The following NT5DC1 variants were observed in gnomAD, a reference collection of about 807,000 sequenced individuals.
NT5DC1 encodes the protein 5'-nucleotidase domain containing 1.
NT5DC1 carries 42 observed loss-of-function variants against 59.4 expected under a neutral mutation model. The ratio of observed to expected loss-of-function variants is 0.71; its 90% CI spans 0.55 to 0.92. The LOEUF is 0.92. Among genes scored for constraint, NT5DC1 ranks in the 40% least tolerant of loss-of-function variants. NT5DC1 has a pLI of 0.00. For synonymous variants in NT5DC1, 172 were observed against 188.1 expected (o/e 0.91, Z 0.70); for missense variants, 501 against 537.1 (o/e 0.93, Z 0.66).
At chr6:116,113,779 A>G (rs1033250938) in intron 4 of NT5DC1, among the ~76,000 whole-genome samples, 7 of 152,194 alleles carry the variant, frequency 4.6e-5, no homozygotes, top group Non-Finnish European at 8.8e-5. Flanking sequence ...AATTTCATCT[A>G]TTAGTACCCA....
intron 6 of NT5DC1, among the ~76,000 whole-genome samples, chr6:116,157,383 A>C (rs1266192460): frequency 2.0e-5 from 3 of 152,224 alleles, no homozygotes; most frequent in Non-Finnish European, 4.4e-5. Flanking sequence ...GTCTTTGGCC[A>C]CTGCTATCTT....
intron 6 of NT5DC1, among the ~76,000 whole-genome samples, chr6:116,156,264 C>A (rs1780190742): frequency 6.6e-6 from 1 of 152,102 alleles, no homozygotes; most frequent in Non-Finnish European, 1.5e-5. Context: ...CAACCCATTT[C>A]TCTAATTTTC....
chr6:116,238,397 G>T, intron 10 of NT5DC1, 49 bp downstream of exon 10: 3 of 1,292,472 alleles, frequency 2.3e-6, no homozygotes, highest in Non-Finnish European at 2.0e-6. Flanking sequence ...ATTTATGTTT[G>T]AAAGCTAAAG....
chr6:116,224,040 A>G (rs538892636), intron 8 of NT5DC1, among the ~76,000 whole-genome samples: 1 of 152,346 alleles, frequency 6.6e-6, no homozygotes, highest in East Asian at 1.9e-4. Flanking sequence ...TATGATTTAT[A>G]ATTTTACTTT....
intron 2 of NT5DC1, 80 bp from the exon 3 acceptor site, chr6:116,108,284 A>G: frequency 1.2e-6 from 1 of 862,514 alleles, no homozygotes; most frequent in Non-Finnish European, 2.0e-6. Flanking sequence ...TAGCATTATG[A>G]TGTTTGGAAA....
At chr6:116,224,577 G>C (rs539862589) in intron 8 of NT5DC1, among the ~76,000 whole-genome samples, 1 of 152,232 alleles carries the variant, frequency 6.6e-6, no homozygotes, top group South Asian at 2.1e-4. Flanking sequence ...TAAGGGACAA[G>C]TGCTGAGAAG....
At chr6:116,168,075 C>G (rs1326496963) in intron 6 of NT5DC1, among the ~76,000 whole-genome samples, 1 of 143,804 alleles carries the variant, frequency 7.0e-6, no homozygotes, top group Admixed American at 6.9e-5. Flanking sequence ...TTATGATGTA[C>G]CTGGTGTCTT....
At chr6:116,156,622 T>G (rs1780202724) in intron 6 of NT5DC1, among the ~76,000 whole-genome samples, 1 of 152,188 alleles carries the variant, frequency 6.6e-6, no homozygotes, top group South Asian at 2.1e-4. Context: ...AATTTAGAGT[T>G]TCCTTGAAAG....
intron 6 of NT5DC1, among the ~76,000 whole-genome samples, chr6:116,211,334 T>C (rs1031400948): frequency 6.6e-6 from 1 of 152,064 alleles, no homozygotes; most frequent in Non-Finnish European, 1.5e-5. Flanking sequence ...GAGATGATAA[T>C]ACATTGTTAT....
Position 116,237,004 on chromosome 6 carries a change from A to G in NT5DC1, c.841A>G (p.Lys281Glu). Residue 281 changes from lysine to glutamate, a missense_variant, in exon 9 of 12, where the codon AAA becomes GAA. Lys to Glu is a moderately conservative substitution (Grantham distance 56). Coordinates refer to ENST00000319550, the MANE Select transcript of NT5DC1 (RefSeq NM_152729.3). ...GCAGGAGGCACTGCCATCTCTGGATAAACCTGGCTGGTACTCCCAAGGGAA... is the reference window on the plus strand; with the variant it reads ...GCAGGAGGCACTGCCATCTCTGGATGAACCTGGCTGGTACTCCCAAGGGAA... Reference protein sequence around the residue: ...EEQEALPSLDKPGWYSQGNAV... With the variant: ...EEQEALPSLDEPGWYSQGNAV... The G allele has an allele frequency of 6.2e-7, 1 of 1,612,336 alleles. No homozygotes were observed.
chr6:116,166,345 T>C (rs1334531638), intron 6 of NT5DC1, among the ~76,000 whole-genome samples: 3 of 152,192 alleles, frequency 2.0e-5, no homozygotes, highest in Non-Finnish European at 2.9e-5. Flanking sequence ...TCCAGATTCC[T>C]CCTAACCAAC....
chr6:116,215,140 A>G (rs1020722132), intron 6 of NT5DC1, among the ~76,000 whole-genome samples: 1 of 152,186 alleles, frequency 6.6e-6, no homozygotes, highest in Non-Finnish European at 1.5e-5. Context: ...ATATTAATGT[A>G]GCTCTACAAT....
intron 2 of NT5DC1, among the ~76,000 whole-genome samples, chr6:116,107,677 A>T (rs1166522084): frequency 6.6e-6 from 1 of 151,316 alleles, no homozygotes; most frequent in African/African-American, 2.4e-5. Flanking sequence ...GGTTCATGCC[A>T]TTCTCCTGCC....
rs140352995 is a variant in NT5DC1 at position 116,177,693 on chromosome 6, A to G, written c.530-43361A>G. ...ATAAGAGATAATGTATCAAAATACC[A>G]TCAGCTCTCTTAAAGTTTATTACTA... On this transcript the variant is annotated intron_variant, in intron 6 of 11. Coordinates refer to ENST00000319550, the MANE Select transcript of NT5DC1 (RefSeq NM_152729.3). 1.2e-4 allele frequency among the ~76,000 whole-genome samples: 19 copies of G among 152,340 alleles called. No homozygotes were observed. The East Asian group carries it at 3.5e-3, about 28-fold the overall frequency.
chr6:116,102,092 C>T (rs2114893897), intron 1 of NT5DC1, among the ~76,000 whole-genome samples: 1 of 152,286 alleles, frequency 6.6e-6, no homozygotes, highest in Non-Finnish European at 1.5e-5. Context: ...TAGAATAGTA[C>T]CTTGGCAAAG....
intron 6 of NT5DC1, among the ~76,000 whole-genome samples, chr6:116,194,418 G>A (rs558765596): frequency 6.6e-6 from 1 of 152,052 alleles, no homozygotes; most frequent in African/African-American, 2.4e-5. Flanking sequence ...TGACAATTTC[G>A]GGAAAAAAAT....
chr6:116,223,246 G>T (rs111899842), intron 8 of NT5DC1, 115 bp downstream of exon 8: 6 of 585,002 alleles, frequency 1.0e-5, no homozygotes, highest in Middle Eastern at 2.7e-4. Flanking sequence ...GAAGAAAAAA[G>T]ATAATAAACC....
intron 6 of NT5DC1, among the ~76,000 whole-genome samples, chr6:116,215,641 G>A (rs1260198536): frequency 1.3e-5 from 2 of 152,178 alleles, no homozygotes; most frequent in African/African-American, 2.4e-5. Flanking sequence ...CCACATTTAC[G>A]TTGTCTGTCC....
At chr6:116,121,347 C>G in intron 6 of NT5DC1, 4 of 1,614,000 alleles carry the variant, frequency 2.5e-6, no homozygotes, top group Non-Finnish European at 3.4e-6. Context: ...GGCCCTCGTT[C>G]CCCAGGAGGG....
Sources: gnomAD v4.1 joint callset for allele counts (sites outside exome capture counted in the v4.1 genomes callset) on GRCh38, gnomAD v4.1.1 for gene constraint, MANE v1.5 for transcripts, NCBI Gene and HGNC (gene_info 2026-07-23, HGNC 2026-07-21) for gene names.